Variants in MTREX observed in about 807,000 individuals in gnomAD.
MTREX encodes exosome RNA helicase MTR4.
In MTREX, 76 loss-of-function variants were observed where a neutral mutation model predicts 135.4. That is an observed-to-expected ratio of 0.56 (90% CI 0.47 to 0.68). MTREX has a LOEUF of 0.68. MTREX is among the 30% of genes least tolerant of loss of function. MTREX has a pLI of 0.00. For missense variants in MTREX, 920 were observed against 1,262.1 expected, an observed-to-expected ratio of 0.73 and a Z score of 4.11; for synonymous variants, 404 against 401.6, an observed-to-expected ratio of 1.01 and a Z score of -0.07.
intron 1 of MTREX, 110 bp downstream of exon 1, chr5:55,308,257 T>C (rs1284424151): frequency 7.5e-7 from 1 of 1,332,762 alleles, no homozygotes. Context: ...TTGAGTGGCG[T>C]TGGAAGTGAA....
At chr5:55,420,073 T>A (rs981316041) in intron 25 of MTREX, among the ~76,000 whole-genome samples, 1 of 152,246 alleles carries the variant, frequency 6.6e-6, no homozygotes, top group Non-Finnish European at 1.5e-5. Context: ...TGAATAATTC[T>A]GAGACCCTAG....
intron 1 of MTREX, among the ~76,000 whole-genome samples, chr5:55,310,415 T>C (rs992187027): frequency 3.3e-5 from 5 of 152,076 alleles, no homozygotes; most frequent in African/African-American, 1.2e-4. Flanking sequence ...CGAGACCAGC[T>C]TCACCAACAT....
At chr5:55,313,246 G>T in intron 1 of MTREX, among the ~76,000 whole-genome samples, 1 of 150,888 alleles carries the variant, frequency 6.6e-6, no homozygotes, top group East Asian at 1.9e-4. Context: ...GGACCAGCTT[G>T]GGCAACGTGG....
At chr5:55,362,384 A>G (rs1450300496) in intron 15 of MTREX, among the ~76,000 whole-genome samples, 1 of 151,788 alleles carries the variant, frequency 6.6e-6, no homozygotes, top group Non-Finnish European at 1.5e-5. Flanking sequence ...GTTTTGAGAC[A>G]GTTTCTCGCT....
At chr5:55,379,573 G>GACAC (rs60169736) in intron 18 of MTREX, among the ~76,000 whole-genome samples, 11,256 of 143,778 alleles carry the variant, frequency 0.078, 466 homozygotes, top group South Asian at 0.16. Context: ...AAATCTCCCT[G>GACAC]ACACACACAC....
intron 22 of MTREX, among the ~76,000 whole-genome samples, chr5:55,409,749 T>A (rs559835962): frequency 3.3e-5 from 5 of 152,234 alleles, no homozygotes; most frequent in Non-Finnish European, 7.4e-5. Context: ...GACGTAGTGA[T>A]GAGCTAGTAC....
Position 55,422,746 on chromosome 5 carries a change from A to G in MTREX, c.2972-132A>G, listed in dbSNP as rs544467243. 1.4e-5 allele frequency: 9 copies of G among 665,124 alleles called. No individual in the cohort carries two copies. In the South Asian group the frequency reaches 1.6e-4, roughly 12 times the overall value. The allele number at this position is 665,124 out of a possible 1,614,324, so 41.2% of individuals were successfully genotyped here. ...TTGTAGCTTTCTCCAGTACCTAACC[A>G]TGATTTACTTCATGGGAAGTCCCTC... is the stretch of plus-strand genomic sequence containing the variant. On this transcript the variant is annotated intron_variant, in intron 25 of 26. Transcript: ENST00000230640.
chr5:55,405,420 T>C lies in MTREX; in HGVS notation c.2482-5T>C, dbSNP rs1164816556. On this transcript the variant is annotated splice_polypyrimidine_tract_variant and splice_region_variant and intron_variant, in intron 21 of 26. Coordinates refer to ENST00000230640, the MANE Select transcript of MTREX (RefSeq NM_015360.5). ...GAACTTTCTTTATACTTTCATGTGC[T>C]TTAGATTGCAATAGATATTAAATCT... The C allele has an allele frequency of 3.7e-6, 6 of 1,609,714 alleles. No individual in the cohort carries two copies. The highest frequency in any genetic ancestry group is 1.7e-4 in the Middle Eastern group (1 of 6,050).
intron 8 of MTREX, 102 bp downstream of exon 8, chr5:55,343,557 T>TAA (rs138200811): frequency 5.0e-5 from 49 of 975,528 alleles, no homozygotes; most frequent in East Asian, 2.8e-4. Context: ...TCCAGAATAA[T>TAA]AAAAAAAACA....
rs556505812 is a variant in MTREX, at chr5:55,394,838, G to A, written c.2182-2578G>A. On this transcript the variant is annotated intron_variant, in intron 19 of 26. Coordinates refer to ENST00000230640, the MANE Select transcript of MTREX (RefSeq NM_015360.5). The stretch of plus-strand genomic sequence containing the variant: ...ACCTGAGGTCAGGAGTTTAAGACCA[G>A]CCTGTCTAACATGGTGTAACCCCAT... 7.9e-5 allele frequency among the ~76,000 whole-genome samples: 12 copies of A among 152,186 alleles called. No homozygotes were observed. In the South Asian group the frequency reaches 1.7e-3, roughly 21 times the overall value.
Position 55,425,389 on chromosome 5 carries a change from A to T in MTREX, c.*617A>T. ...TTAGATCAAGTTAAAAACTACATAC[A>T]AAGTTGTGATCAACAGCATCCTAAG... On this transcript the variant is annotated 3_prime_UTR_variant, in exon 27 of 27. Coordinates refer to ENST00000230640, the MANE Select transcript of MTREX (RefSeq NM_015360.5). 4.1e-6 allele frequency: 6 copies of T among 1,473,698 alleles called. No homozygotes were observed. Among genetic ancestry groups the T allele is most frequent in the Non-Finnish European group, 5.6e-6 (6 of 1,078,424 alleles). 91.3% of individuals were successfully genotyped at this position (1,473,698 alleles called of 1,614,324 possible).
intron 16 of MTREX, among the ~76,000 whole-genome samples, chr5:55,375,374 C>A (rs1481347238): frequency 6.6e-6 from 1 of 152,136 alleles, no homozygotes; most frequent in African/African-American, 2.4e-5. Context: ...GTTCAGAGAC[C>A]TACTCCTAGG....
intron 19 of MTREX, among the ~76,000 whole-genome samples, chr5:55,392,526 G>A (rs188249857): frequency 7.5e-6 from 1 of 133,034 alleles, no homozygotes; most frequent in East Asian, 2.2e-4. Context: ...CTGGGTGACA[G>A]AGAAGGGCTC....
chr5:55,363,930 T>C (rs1750054851), intron 15 of MTREX, among the ~76,000 whole-genome samples: 1 of 152,172 alleles, frequency 6.6e-6, no homozygotes, highest in Non-Finnish European at 1.5e-5. Context: ...AAGGAATATA[T>C]CTACATTCAT....
At chr5:55,400,485 G>T (rs1750708010) in intron 21 of MTREX, 64 bp downstream of exon 21, 1 of 1,143,078 alleles carries the variant, frequency 8.7e-7, no homozygotes, top group South Asian at 1.9e-5. Context: ...ATATGTGTTT[G>T]TCATTTTCTT....
At chr5:55,374,986 G>GTGA (rs1750271777) in intron 16 of MTREX, among the ~76,000 whole-genome samples, 1 of 152,140 alleles carries the variant, frequency 6.6e-6, no homozygotes, top group African/African-American at 2.4e-5. Context: ...GGTAGGTTCC[G>GTGA]TGATGCCCCA....
At chr5:55,413,367 T>A (rs970918250) in intron 23 of MTREX, among the ~76,000 whole-genome samples, 1 of 152,002 alleles carries the variant, frequency 6.6e-6, no homozygotes, top group African/African-American at 2.4e-5. Context: ...CATAATTACT[T>A]TAATTAAACC....
chr5:55,410,386 T>C (rs543688466), intron 22 of MTREX, 138 bp from the exon 23 acceptor site: 58 of 443,108 alleles, frequency 1.3e-4, no homozygotes, highest in Non-Finnish European at 2.3e-4. Flanking sequence ...TGTCCTTAAA[T>C]AAATCATTGT....
chr5:55,411,767 T>G (rs1750887605), intron 23 of MTREX, among the ~76,000 whole-genome samples: 1 of 152,056 alleles, frequency 6.6e-6, no homozygotes. Flanking sequence ...AATATTGTGT[T>G]TGTTTTTCCT....
Sources: allele counts gnomAD v4.1 joint callset (sites outside exome capture counted in the v4.1 genomes callset), GRCh38; gene constraint gnomAD v4.1.1; transcripts MANE v1.5; gene names NCBI Gene and HGNC (gene_info 2026-07-23, HGNC 2026-07-21).